Variants in MCC observed in about 807,000 individuals in gnomAD.
The protein encoded by MCC is colorectal mutant cancer protein.
A neutral mutation model predicts 116.2 loss-of-function variants in MCC; 90 were observed. The ratio of observed to expected loss-of-function variants is 0.77; its 90% CI spans 0.65 to 0.92. MCC has a LOEUF of 0.92. Among genes scored for constraint, MCC ranks in the 40% least tolerant of loss-of-function variants. The probability of loss-of-function intolerance (pLI) is 0.00; values close to 1 mark genes in which losing one functional copy is unlikely to be tolerated. For synonymous variants in MCC, 578 were observed against 510.5 expected (o/e 1.13, Z -1.78); for missense variants, 1,516 against 1,312.2 (o/e 1.16, Z -2.40).
intron 3 of MCC, among the ~76,000 whole-genome samples, chr5:113,308,516 T>A (rs1167953215): frequency 6.6e-6 from 1 of 152,132 alleles, no homozygotes; most frequent in East Asian, 1.9e-4. Flanking sequence ...TTCCACAGTT[T>A]AGCAGCCATA....
chr5:113,031,550 T>A lies in MCC; in HGVS notation c.2757-2494A>T, dbSNP rs116467181. On this transcript the variant is annotated intron_variant, in intron 17 of 18. Coordinates refer to ENST00000408903, the MANE Select transcript of MCC (RefSeq NM_001085377.2). ...TTTTATTACCATTTAGAGCCCTTTA[T>A]CTTTCATTCTAATGTTGATTAATAG... 7.3e-3 allele frequency among the ~76,000 whole-genome samples: 1,109 copies of A among 152,208 alleles called. 9 individuals carry two copies. Among genetic ancestry groups the A allele is most frequent in the African/African-American group, 0.025 (1,043 of 41,518 alleles).
At chr5:113,228,757 G>C (rs912106491) in intron 3 of MCC, among the ~76,000 whole-genome samples, 1 of 152,134 alleles carries the variant, frequency 6.6e-6, no homozygotes, top group African/African-American at 2.4e-5. Flanking sequence ...GGTAAGGATG[G>C]ATGCAGAGAC....
intron 18 of MCC, among the ~76,000 whole-genome samples, chr5:113,028,081 C>A (rs773102147): frequency 6.6e-6 from 1 of 152,188 alleles, no homozygotes; most frequent in Non-Finnish European, 1.5e-5. Context: ...CCAGGTAGGT[C>A]CATTCCATGT....
chr5:113,106,862 T>C (rs1756765371), intron 6 of MCC, among the ~76,000 whole-genome samples: 1 of 152,218 alleles, frequency 6.6e-6, no homozygotes, highest in South Asian at 2.1e-4. Flanking sequence ...ACCAAATTTC[T>C]ACATATTGTT....
chr5:113,469,019 G>A lies in MCC; in HGVS notation c.170+19226C>T, dbSNP rs576776103. ...TGGTAGTTTGTACTTCTGTGGGATCGGTGGTGATATCCCCTTTAACATTTT... is the reference window on the plus strand; with the variant it reads ...TGGTAGTTTGTACTTCTGTGGGATCAGTGGTGATATCCCCTTTAACATTTT... On this transcript the variant is annotated intron_variant, in intron 1 of 18. Coordinates refer to ENST00000408903, the MANE Select transcript of MCC (RefSeq NM_001085377.2). Among the ~76,000 whole-genome samples, 7 of 152,134 alleles carry A rather than the reference G, an allele frequency of 4.6e-5. No individual in the cohort carries two copies. The South Asian group carries it at 6.3e-4, about 14-fold the overall frequency.
At chr5:113,146,526 A>G (rs1759532294) in intron 4 of MCC, among the ~76,000 whole-genome samples, 1 of 152,098 alleles carries the variant, frequency 6.6e-6, no homozygotes, top group African/African-American at 2.4e-5. Flanking sequence ...GAGCTAGGAA[A>G]GCCCAAAGAG....
chr5:113,137,143 A>C (rs1339393952), intron 5 of MCC, among the ~76,000 whole-genome samples: 1 of 152,168 alleles, frequency 6.6e-6, no homozygotes, highest in Non-Finnish European at 1.5e-5. Context: ...GAAAACTTAT[A>C]ATCATGGTGG....
rs1024752221 is a variant in MCC, at chr5:113,068,162, G to A, written c.1947C>T (p.Tyr649=). The part of the protein sequence containing the change: ...LQYSEQCIEA[Y]ELLLALAESE... The stretch of plus-strand genomic sequence containing the variant: ...TCTCTGCCAGCGCCAGGAGGAGTTC[G>A]TAGGCTTCGATGCACTGCTCGCTGA... The change falls in exon 13 of 19, where the codon TAC becomes TAT. Residue 649 remains tyrosine (Y), a synonymous_variant. Coordinates refer to ENST00000408903, the MANE Select transcript of MCC (RefSeq NM_001085377.2). 74 of 1,613,960 alleles carry A rather than the reference G, an allele frequency of 4.6e-5. No individual in the cohort carries two copies. Among genetic ancestry groups the A allele is most frequent in the East Asian group, 1.1e-4 (5 of 44,890 alleles).
chr5:113,324,864 CCT>C (rs1172264367), intron 3 of MCC, among the ~76,000 whole-genome samples: 14 of 151,590 alleles, frequency 9.2e-5, no homozygotes, highest in African/African-American at 3.2e-4. Flanking sequence ...ACAGGGTCCC[CCT>C]CTGTCACCCA....
chr5:113,071,179 A>G lies in MCC; in HGVS notation c.1840T>C (p.Cys614Arg). The G allele has an allele frequency of 6.2e-7, 1 of 1,614,186 alleles. No individual in the cohort carries two copies. Among genetic ancestry groups the G allele is most frequent in the Non-Finnish European group, 8.5e-7 (1 of 1,180,018 alleles). ...NDLLTITLEE[C>R]KSNAERMSML... is the part of the protein sequence containing the mutation. ...CTCATCCTCTCGGCATTGCTTTTAC[A>G]TTCCTCCAAGGTTATGGTCAGGAGG... The change falls in exon 12 of 19, where the codon TGT (cysteine) becomes CGT (arginine). Residue 614 changes from cysteine to arginine, a missense_variant. Transcript: ENST00000408903.
chr5:113,223,113 C>T (rs77875628), intron 3 of MCC, among the ~76,000 whole-genome samples: 2 of 152,218 alleles, frequency 1.3e-5, no homozygotes, highest in East Asian at 1.9e-4. Flanking sequence ...GGGACGCAAA[C>T]GAAGCTGTCA....
chr5:113,207,104 G>C (rs903010861), intron 3 of MCC, among the ~76,000 whole-genome samples: 1 of 152,174 alleles, frequency 6.6e-6, no homozygotes, highest in African/African-American at 2.4e-5. Flanking sequence ...TTTTTCCAAA[G>C]AGCTGGCATC....
chr5:113,118,322 T>C (rs1757510362), intron 6 of MCC, among the ~76,000 whole-genome samples: 1 of 152,232 alleles, frequency 6.6e-6, no homozygotes. Context: ...CTTTATTTTC[T>C]GAACAATGTG....
intron 1 of MCC, among the ~76,000 whole-genome samples, chr5:113,447,861 C>T (rs540404565): frequency 6.6e-6 from 1 of 152,176 alleles, no homozygotes; most frequent in South Asian, 2.1e-4. Context: ...CGAGAGAGAG[C>T]ATTTTGAGAC....
intron 3 of MCC, among the ~76,000 whole-genome samples, chr5:113,297,154 T>C (rs943709666): frequency 5.3e-5 from 8 of 152,206 alleles, no homozygotes; most frequent in Non-Finnish European, 1.5e-5. Context: ...AAGTGGGAAA[T>C]GAACATGCCG....
intron 11 of MCC, among the ~76,000 whole-genome samples, chr5:113,080,815 C>CAAAAAA (rs1236332931): frequency 1.8e-4 from 20 of 110,548 alleles, no homozygotes; most frequent in South Asian, 2.8e-4. Flanking sequence ...ACAACAACAA[C>CAAAAAA]AAAAAAAAAA....
rs371888010 is a variant in MCC, at chr5:113,049,073, C to T, written c.2655+20G>A. On this transcript the variant is annotated intron_variant, in intron 16 of 18. Transcript: ENST00000408903. ...GCAGTCACTGAGCCTAAGGGTGTCCCCAAGCCACTCCGGCCCTACCTTGCC... is the reference window on the plus strand; with the variant it reads ...GCAGTCACTGAGCCTAAGGGTGTCCTCAAGCCACTCCGGCCCTACCTTGCC... The T allele has an allele frequency of 6.2e-7, 1 of 1,613,536 alleles. No individual in the cohort carries two copies. The highest frequency in any genetic ancestry group is 2.2e-5 in the East Asian group (1 of 44,880).
chr5:113,177,172 C>G (rs555957510), intron 3 of MCC, among the ~76,000 whole-genome samples: 1 of 152,246 alleles, frequency 6.6e-6, no homozygotes, highest in African/African-American at 2.4e-5. Flanking sequence ...ATGTAGCCTC[C>G]TAGTTCCCAT....
intron 5 of MCC, among the ~76,000 whole-genome samples, chr5:113,136,324 A>G (rs1346861852): frequency 6.6e-6 from 1 of 152,222 alleles, no homozygotes; most frequent in African/African-American, 2.4e-5. Context: ...CTAGTGATGT[A>G]AACAGAGATC....
Sources: gnomAD v4.1 joint callset for allele counts (sites outside exome capture counted in the v4.1 genomes callset) on GRCh38, gnomAD v4.1.1 for gene constraint, MANE v1.5 for transcripts, NCBI Gene and HGNC (gene_info 2026-07-23, HGNC 2026-07-21) for gene names.